Variants in KLHDC2 observed in about 807,000 individuals in gnomAD.
KLHDC2 encodes kelch domain containing 2.
Under a neutral mutation model 62.3 loss-of-function variants are expected in KLHDC2, and 38 were observed. The ratio of observed to expected loss-of-function variants is 0.61; its 90% CI spans 0.47 to 0.80. KLHDC2 has a LOEUF of 0.80. KLHDC2 is among the 30% of genes least tolerant of loss of function. KLHDC2 has a pLI of 0.00. For missense variants in KLHDC2, 430 were observed against 495.3 expected (o/e 0.87, Z 1.25); for synonymous variants, 159 against 161.0 (o/e 0.99, Z 0.09).
intron 8 of KLHDC2, 195 bp from the exon 9 acceptor site, chr14:49,780,018 G>C: frequency 1.6e-6 from 1 of 616,462 alleles, no homozygotes; most frequent in African/African-American, 1.8e-5. Context: ...AGTGTTTGTT[G>C]AAAGGAAAAG....
intron 10 of KLHDC2, chr14:49,781,983 C>T (rs1889924254): frequency 5.6e-6 from 1 of 179,070 alleles, no homozygotes; most frequent in Non-Finnish European, 1.2e-5. Context: ...CTTTCTGAGA[C>T]TTTATAGTTT....
chr14:49,780,612 T>C (rs1275490169), intron 9 of KLHDC2, 91 bp from the exon 10 acceptor site: 7 of 896,952 alleles, frequency 7.8e-6, no homozygotes, highest in Admixed American at 7.0e-5. Context: ...TATCTGCTCA[T>C]GATCTATTAC....
At chr14:49,776,671 C>T (rs1381515219) in intron 3 of KLHDC2, among the ~76,000 whole-genome samples, 1 of 152,088 alleles carries the variant, frequency 6.6e-6, no homozygotes, top group Admixed American at 6.6e-5. Flanking sequence ...ATAATCCCAG[C>T]ACTTTGGGAG....
chr14:49,773,095 G>A (rs1481564839), intron 2 of KLHDC2, among the ~76,000 whole-genome samples: 1 of 152,000 alleles, frequency 6.6e-6, no homozygotes, highest in Non-Finnish European at 1.5e-5. Flanking sequence ...TCTCTTAAAA[G>A]CAGAATGCTA....
At position 49,768,155 on chromosome 14, in the gene KLHDC2, A is replaced by G; in HGVS notation, c.-314A>G. 1 of 206,314 alleles carries G rather than the reference A, an allele frequency of 4.8e-6. No individual in the cohort carries two copies. Among genetic ancestry groups the G allele is most frequent in the Non-Finnish European group, 9.6e-6 (1 of 104,416 alleles). 12.8% of individuals were successfully genotyped at this position (206,314 alleles called of 1,614,324 possible). A position where few individuals can be genotyped will look rare whatever the true frequency, so the allele number is the denominator to read the frequency against. On this transcript the variant is annotated 5_prime_UTR_variant, in exon 1 of 13. Transcript: ENST00000298307. ...CCGTGGACTGCAGGAGGCGGGGCAGACGGGCTGCAATAGGGAGCCGGCCCG... is the reference window on the plus strand; with the variant it reads ...CCGTGGACTGCAGGAGGCGGGGCAGGCGGGCTGCAATAGGGAGCCGGCCCG...
intron 3 of KLHDC2, 178 bp from the exon 4 acceptor site, chr14:49,777,661 G>A (rs1476326541): frequency 4.4e-6 from 2 of 451,052 alleles, no homozygotes; most frequent in Non-Finnish European, 7.8e-6. Context: ...TTAGGAAGTT[G>A]GTATTCAGTC....
At chr14:49,773,943 A>G (rs1404511075) in intron 2 of KLHDC2, among the ~76,000 whole-genome samples, 1 of 152,224 alleles carries the variant, frequency 6.6e-6, no homozygotes, top group Non-Finnish European at 1.5e-5. Context: ...AAATATTATT[A>G]TATCTGACAG....
chr14:49,781,885 T>G (rs909775870), intron 10 of KLHDC2, among the ~76,000 whole-genome samples: 10 of 152,214 alleles, frequency 6.6e-5, no homozygotes, highest in Admixed American at 3.3e-4. Context: ...GTTCAAAGCC[T>G]GCATTTTTTC....
chr14:49,774,164 A>G lies in KLHDC2; in HGVS notation c.234-397A>G, dbSNP rs544831835. On this transcript the variant is annotated intron_variant, in intron 2 of 12. Transcript: ENST00000298307. ...AAGGGGACTGAAGAAAAAACACTGAATTAATCTATCAGCACTGGGAATGTT... is the reference window on the plus strand; with the variant it reads ...AAGGGGACTGAAGAAAAAACACTGAGTTAATCTATCAGCACTGGGAATGTT... 1.4e-4 allele frequency among the ~76,000 whole-genome samples: 22 copies of G among 152,332 alleles called. No homozygotes were observed. The South Asian group carries it at 4.6e-3, about 32-fold the overall frequency.
chr14:49,775,737 G>A (rs143665261), intron 3 of KLHDC2, among the ~76,000 whole-genome samples: 6,852 of 146,866 alleles, frequency 0.047, 234 homozygotes, highest in Middle Eastern at 0.085. Context: ...AGTGATTCTC[G>A]TACCTCAGCC....
Position 49,780,319 on chromosome 14 carries a change from C to G in KLHDC2, c.880C>G (p.Leu294Val), listed in dbSNP as rs768851631. The G allele has an allele frequency of 2.6e-6, 4 of 1,545,838 alleles. No homozygotes were observed. Among genetic ancestry groups the G allele is most frequent in the Non-Finnish European group, 2.7e-6 (3 of 1,118,328 alleles). ...FGGFTTDKQP[L>V]SDAWTYCISK... ...AGGATTTACCACTGATAAACAGCCA[C>G]TAAGTAAGTCCTTGAAAAATATGAT... is the stretch of plus-strand genomic sequence containing the variant. Residue 294 changes from leucine (L) to valine (V), a missense_variant, in exon 9 of 13, where the codon CTA becomes GTA. Physicochemically the swap from Leu to Val is conservative, Grantham distance 32. Transcript: ENST00000298307.
chr14:49,768,428 C>T lies in KLHDC2; in HGVS notation c.-41C>T, dbSNP rs1315186795. On this transcript the variant is annotated 5_prime_UTR_variant, in exon 1 of 13. Coordinates refer to ENST00000298307, the MANE Select transcript of KLHDC2 (RefSeq NM_014315.3). ...TTTCCTTTGTTTTTTTGGCCCCTCG[C>T]GGGTGTGGGCATTGTTGGTTAGCAA... 5 of 1,590,026 alleles carry T rather than the reference C, an allele frequency of 3.1e-6. No individual in the cohort carries two copies. The highest frequency in any genetic ancestry group is 1.8e-5 in the Admixed American group (1 of 56,428).
Position 49,780,206 on chromosome 14 carries a change from T to C in KLHDC2, c.774-7T>C. On this transcript the variant is annotated splice_region_variant and splice_polypyrimidine_tract_variant and intron_variant, in intron 8 of 12. Transcript: ENST00000298307. Reference sequence around the variant, plus strand: ...TGCAGATATTGTAACTTAGCTATTATTTTCAGAATTCCACAAGGCATATGC... The same window carrying C: ...TGCAGATATTGTAACTTAGCTATTACTTTCAGAATTCCACAAGGCATATGC... 6.4e-7 allele frequency: 1 copy of C among 1,554,530 alleles called. No individual in the cohort carries two copies. The highest frequency in any genetic ancestry group is 1.4e-5 in the African/African-American group (1 of 73,852).
chr14:49,780,209 T>G lies in KLHDC2; in HGVS notation c.774-4T>G, dbSNP rs760889338. On this transcript the variant is annotated splice_region_variant and splice_polypyrimidine_tract_variant and intron_variant, in intron 8 of 12. Coordinates refer to ENST00000298307, the MANE Select transcript of KLHDC2 (RefSeq NM_014315.3). ...AGATATTGTAACTTAGCTATTATTT[T>G]CAGAATTCCACAAGGCATATGCCCA... 3 of 1,572,690 alleles carry G rather than the reference T, an allele frequency of 1.9e-6. No homozygotes were observed. The highest frequency in any genetic ancestry group is 1.7e-6 in the Non-Finnish European group (2 of 1,143,388).
intron 8 of KLHDC2, 49 bp downstream of exon 8, chr14:49,779,855 C>A: frequency 1.6e-6 from 2 of 1,269,524 alleles, no homozygotes; most frequent in Non-Finnish European, 2.3e-6. Flanking sequence ...TTGTTTTTAC[C>A]CTATATTCCC....
In KLHDC2 at chr14:49,779,687, A is replaced by G. The variant is rs1224026242; in HGVS notation, c.714+12A>G. On this transcript the variant is annotated intron_variant, in intron 7 of 12. Transcript: ENST00000298307. ...GAGGCAGATATCGAGTAAGTATTCAAACGACTTCAATGACTTGCTTTTGAA... is the reference window on the plus strand; with the variant it reads ...GAGGCAGATATCGAGTAAGTATTCAGACGACTTCAATGACTTGCTTTTGAA... The G allele has an allele frequency of 1.9e-6, 3 of 1,613,252 alleles. No homozygotes were observed. Among genetic ancestry groups the G allele is most frequent in the East Asian group, 4.5e-5 (2 of 44,894 alleles).
chr14:49,771,782 C>A, intron 2 of KLHDC2, 109 bp downstream of exon 2: 1 of 613,856 alleles, frequency 1.6e-6, no homozygotes, highest in Non-Finnish European at 3.0e-6. Context: ...GCGGGCGGAT[C>A]TCTCGAGGTC....
chr14:49,768,720 T>G, intron 1 of KLHDC2, 99 bp downstream of exon 1: 1 of 1,176,384 alleles, frequency 8.5e-7, no homozygotes, highest in Non-Finnish European at 1.1e-6. Context: ...CCGAGGGCGC[T>G]CCCCGCCTGC....
At chr14:49,768,651 T>A in intron 1 of KLHDC2, 30 bp downstream of exon 1, 1 of 1,548,386 alleles carries the variant, frequency 6.5e-7, no homozygotes, top group Non-Finnish European at 8.7e-7. Context: ...GCGACGGACG[T>A]CGCTCGGCTG....
Sources: gnomAD v4.1 joint callset for allele counts (sites outside exome capture counted in the v4.1 genomes callset) on GRCh38, gnomAD v4.1.1 for gene constraint, MANE v1.5 for transcripts, NCBI Gene and HGNC (gene_info 2026-07-23, HGNC 2026-07-21) for gene names.